MCF2L2: variants seen among roughly 807,000 people sequenced by gnomAD.
MCF2L2 encodes MCF.2 cell line derived transforming sequence-like 2, also known as probable guanine nucleotide exchange factor MCF2L2.
Under a neutral mutation model 150.2 loss-of-function variants are expected in MCF2L2, and 102 were observed. The ratio of observed to expected loss-of-function variants is 0.68; its 90% confidence interval spans 0.58 to 0.80. The LOEUF is 0.80. Among genes scored for constraint, MCF2L2 ranks in the 30% least tolerant of loss-of-function variants. MCF2L2 has a pLI of 0.00. For synonymous variants in MCF2L2, 465 were observed against 491.3 expected (o/e 0.95, Z 0.71); for missense variants, 1,256 against 1,372.8 (o/e 0.91, Z 1.34).
At chr3:183,301,976 G>A (rs909832722) in intron 10 of MCF2L2, among the ~76,000 whole-genome samples, 6 of 152,140 alleles carry the variant, frequency 3.9e-5, no homozygotes, top group Non-Finnish European at 8.8e-5. Context: ...GGTTTATGGT[G>A]ATTACTTGCT....
intron 15 of MCF2L2, among the ~76,000 whole-genome samples, chr3:183,258,644 C>A (rs528880416): frequency 4.6e-5 from 7 of 152,304 alleles, no homozygotes; most frequent in Non-Finnish European, 7.3e-5. Flanking sequence ...GGACACCACC[C>A]CCCCGCCCCT....
At chr3:183,295,573 C>A in intron 12 of MCF2L2, 96 bp from the exon 13 acceptor site, 2 of 1,200,246 alleles carry the variant, frequency 1.7e-6, no homozygotes, top group Non-Finnish European at 2.4e-6. Flanking sequence ...CCTACTCCCC[C>A]CATCCCTACC....
chr3:183,224,472 G>T, intron 18 of MCF2L2: 1 of 286,438 alleles, frequency 3.5e-6, no homozygotes, highest in South Asian at 7.6e-5. Flanking sequence ...AACAGGAATT[G>T]GTTTTTATCT....
intron 15 of MCF2L2, among the ~76,000 whole-genome samples, chr3:183,259,556 T>C (rs1725395234): frequency 6.6e-6 from 1 of 152,228 alleles, no homozygotes; most frequent in South Asian, 2.1e-4. Context: ...AAAACGGTTT[T>C]GATACAGCTT....
chr3:183,302,615 A>C (rs979515529), intron 10 of MCF2L2, among the ~76,000 whole-genome samples: 18 of 152,126 alleles, frequency 1.2e-4, no homozygotes, highest in Non-Finnish European at 2.5e-4. Flanking sequence ...GAGGAAATGC[A>C]GGGAGACTCA....
At chr3:183,301,378 G>A (rs1728839154) in intron 10 of MCF2L2, among the ~76,000 whole-genome samples, 1 of 152,216 alleles carries the variant, frequency 6.6e-6, no homozygotes, top group African/African-American at 2.4e-5. Flanking sequence ...TGATGAGTAT[G>A]TGGAGAAAAA....
At chr3:183,426,963 A>T (rs1378432116) in intron 1 of MCF2L2, among the ~76,000 whole-genome samples, 1 of 152,270 alleles carries the variant, frequency 6.6e-6, no homozygotes, top group African/African-American at 2.4e-5. Flanking sequence ...TTAACATGCA[A>T]GTACCAAGAA....
At chr3:183,346,218 C>G (rs1560032272) in intron 3 of MCF2L2, among the ~76,000 whole-genome samples, 1 of 152,154 alleles carries the variant, frequency 6.6e-6, no homozygotes, top group Non-Finnish European at 1.5e-5. Context: ...AAAGCTTATC[C>G]ACCACGATCA....
intron 14 of MCF2L2, among the ~76,000 whole-genome samples, chr3:183,288,110 T>G (rs1261832263): frequency 6.6e-6 from 1 of 152,228 alleles, no homozygotes; most frequent in African/African-American, 2.4e-5. Flanking sequence ...TACTTTAAAA[T>G]TATACAGTGC....
At chr3:183,313,256 C>CAT (rs1026579604) in intron 7 of MCF2L2, among the ~76,000 whole-genome samples, 7 of 151,918 alleles carry the variant, frequency 4.6e-5, no homozygotes, top group Middle Eastern at 3.4e-3. Flanking sequence ...CACACACACA[C>CAT]ATATCCATAT....
At chr3:183,278,826 T>C (rs1472722041) in intron 14 of MCF2L2, among the ~76,000 whole-genome samples, 1 of 151,896 alleles carries the variant, frequency 6.6e-6, no homozygotes, top group East Asian at 1.9e-4. Context: ...CTTGTCATCT[T>C]TTACACTGAA....
chr3:183,215,929 C>A (rs1722894013), intron 22 of MCF2L2, 40 bp downstream of exon 22: 2 of 1,597,584 alleles, frequency 1.3e-6, no homozygotes, highest in East Asian at 4.5e-5. Flanking sequence ...ATTGCACCTG[C>A]CTTTTGTGTG....
intron 3 of MCF2L2, among the ~76,000 whole-genome samples, chr3:183,370,272 C>T (rs934002216): frequency 1.3e-5 from 2 of 152,212 alleles, no homozygotes; most frequent in Non-Finnish European, 2.9e-5. Context: ...CCTAATTGTT[C>T]TTCTACACTG....
At chr3:183,307,890 C>T (rs896645781) in intron 10 of MCF2L2, among the ~76,000 whole-genome samples, 1 of 152,216 alleles carries the variant, frequency 6.6e-6, no homozygotes, top group Non-Finnish European at 1.5e-5. Flanking sequence ...TTGAACTCAC[C>T]AAGCTCATTT....
At chr3:183,207,003 G>GAGGA (rs1168243834) in intron 23 of MCF2L2, among the ~76,000 whole-genome samples, 8 of 114,080 alleles carry the variant, frequency 7.0e-5, no homozygotes, top group African/African-American at 9.3e-5. Context: ...GGAAGGGAGG[G>GAGGA]AGGAAGGAAG....
At chr3:183,216,566 ATATATATATATATATTTTTTTTTTTTTTT>A (rs1560347175) in intron 21 of MCF2L2, among the ~76,000 whole-genome samples, 1 of 3,576 alleles carries the variant, frequency 2.8e-4, no homozygotes, top group African/African-American at 7.4e-4. Flanking sequence ...ATATATATAT[ATATATATATATATATTTTTTTTTTTTTTT>A]TTTTTTTTTT....
At chr3:183,392,809 G>C (rs1395844272) in intron 1 of MCF2L2, among the ~76,000 whole-genome samples, 3 of 152,204 alleles carry the variant, frequency 2.0e-5, no homozygotes, top group Non-Finnish European at 4.4e-5. Flanking sequence ...TCTACACCAA[G>C]AGACACAAAG....
At chr3:183,353,796 T>C (rs910547890) in intron 3 of MCF2L2, among the ~76,000 whole-genome samples, 79 of 152,308 alleles carry the variant, frequency 5.2e-4, no homozygotes, top group Middle Eastern at 3.4e-3. Flanking sequence ...GGGCCTCCAC[T>C]GCCTCCAAGC....
At chr3:183,354,691 T>G (rs1711656469) in intron 3 of MCF2L2, among the ~76,000 whole-genome samples, 1 of 152,212 alleles carries the variant, frequency 6.6e-6, no homozygotes, top group Non-Finnish European at 1.5e-5. Context: ...TATTGATTGT[T>G]GTTTGCCTGT....
Sources: gnomAD v4.1 joint callset for allele counts (sites outside exome capture counted in the v4.1 genomes callset) on GRCh38, gnomAD v4.1.1 for gene constraint, MANE v1.5 for transcripts, NCBI Gene and HGNC (gene_info 2026-07-23, HGNC 2026-07-21) for gene names.